The following PCSK5 variants were observed in gnomAD, a reference collection of about 807,000 sequenced individuals.
The protein encoded by PCSK5 is proprotein convertase subtilisin/kexin type 5.
Under a neutral mutation model 233.2 loss-of-function variants are expected in PCSK5, and 129 were observed. That is an observed-to-expected ratio of 0.55 (90% CI 0.48 to 0.64). The LOEUF is 0.64. Ranked by LOEUF, PCSK5 falls within the 30% of genes least tolerant of loss-of-function variation. The pLI is 0.00. For synonymous variants in PCSK5, 825 were observed against 879.2 expected (o/e 0.94, Z 1.09); for missense variants, 2,076 against 2,430.1 (o/e 0.85, Z 3.06).
chr9:75,917,509 A>G lies in PCSK5; in HGVS notation c.193-14870A>G, dbSNP rs1462482200. On this transcript the variant is annotated intron_variant, in intron 1 of 37. Transcript: ENST00000674117. Reference sequence around the variant, plus strand: ...AACCGTGTGTCACCTGGGAGCTAACATCAGATTCAATATTTGCCCCGAGGC... The same window carrying G: ...AACCGTGTGTCACCTGGGAGCTAACGTCAGATTCAATATTTGCCCCGAGGC... Among the ~76,000 whole-genome samples, 6 of 152,390 alleles carry G rather than the reference A, an allele frequency of 3.9e-5. No homozygotes were observed. In the South Asian group the frequency reaches 6.2e-4, roughly 16 times the overall value.
intron 35 of PCSK5, among the ~76,000 whole-genome samples, chr9:76,338,836 G>T (rs1451028278): frequency 6.6e-6 from 1 of 152,128 alleles, no homozygotes; most frequent in East Asian, 1.9e-4. Flanking sequence ...CAGAAATCTA[G>T]TTGTCTGTCC....
At chr9:75,908,943 CTATCTA>C (rs1564075045) in intron 1 of PCSK5, among the ~76,000 whole-genome samples, 84 of 58,134 alleles carry the variant, frequency 1.4e-3, no homozygotes, top group South Asian at 0.013. Flanking sequence ...CTCTCTCTGT[CTATCTA>C]TCTATCTATC....
In PCSK5 at chr9:76,361,619, T is replaced by C. The variant is rs1830433065; in HGVS notation, c.*2697T>C. The C allele has an allele frequency of 1.3e-5, 2 of 152,482 alleles. No homozygotes were observed. Among genetic ancestry groups the C allele is most frequent in the African/African-American group, 4.8e-5 (2 of 41,576 alleles). The allele number at this position is 152,482 out of a possible 1,614,324, so 9.4% of individuals were successfully genotyped here. Reference sequence around the variant, plus strand: ...CAGGAGGCTAAGGTGGAAGGATCACTTGAACCCGGGAGGTCGAGGCTGCAG... The same window carrying C: ...CAGGAGGCTAAGGTGGAAGGATCACCTGAACCCGGGAGGTCGAGGCTGCAG... On this transcript the variant is annotated 3_prime_UTR_variant, in exon 38 of 38. Transcript: ENST00000674117.
chr9:76,203,072 T>A (rs1824979011), intron 20 of PCSK5, among the ~76,000 whole-genome samples: 1 of 152,210 alleles, frequency 6.6e-6, no homozygotes, highest in Non-Finnish European at 1.5e-5. Context: ...AACTTCAGCA[T>A]AGCTCTCTAT....
chr9:75,923,061 G>A lies in PCSK5; in HGVS notation c.193-9318G>A, dbSNP rs1823323398. Among the ~76,000 whole-genome samples, 2 of 152,166 alleles carry A rather than the reference G, an allele frequency of 1.3e-5. 1 individual carries two copies. Among genetic ancestry groups the A allele is most frequent in the South Asian group, 4.1e-4 (2 of 4,826 alleles). On this transcript the variant is annotated intron_variant, in intron 1 of 37. Coordinates refer to ENST00000674117, the MANE Select transcript of PCSK5 (RefSeq NM_001372043.1). ...GGGATACTATGTTAGTGTACCCATA[G>A]AATTGAATGTGGCTCTACAAAACCC...
intron 20 of PCSK5, among the ~76,000 whole-genome samples, chr9:76,212,574 G>A (rs548597098): frequency 9.2e-5 from 14 of 152,274 alleles, no homozygotes; most frequent in African/African-American, 3.4e-4. Context: ...ATTCCAACCA[G>A]CTTTCCTATA....
rs573884138 is a variant in PCSK5 at position 76,019,788 on chromosome 9, T to A, written c.412-3950T>A. On this transcript the variant is annotated intron_variant, in intron 3 of 37. Coordinates refer to ENST00000674117, the MANE Select transcript of PCSK5 (RefSeq NM_001372043.1). ...CATTTCTTGAACTCACAGGACAATG[T>A]CTTTAAAATTTCATTCCTAAAAAAG... is the stretch of plus-strand genomic sequence containing the variant. 8.9e-4 allele frequency among the ~76,000 whole-genome samples: 136 copies of A among 152,302 alleles called. 1 individual carries two copies. The highest frequency in any genetic ancestry group is 1.3e-3 in the Admixed American group (20 of 15,304).
chr9:76,169,820 T>C lies in PCSK5; in HGVS notation c.1736T>C (p.Leu579Pro), dbSNP rs1823253407. 2 of 1,613,560 alleles carry C rather than the reference T, an allele frequency of 1.2e-6. No homozygotes were observed. Among genetic ancestry groups the C allele is most frequent in the East Asian group, 4.5e-5 (2 of 44,862 alleles). Residue 579 changes from leucine (L) to proline (P), a missense_variant, in exon 13 of 38, where the codon CTA (leucine) becomes CCA (proline). This residue lies in a region of PCSK5 where 50 missense variants were observed against 104.7 expected (regional missense o/e 0.48). Coordinates refer to ENST00000674117, the MANE Select transcript of PCSK5 (RefSeq NM_001372043.1). ...GAAGTTTATGATACTCCCTCTCAGC[T>C]AAGGAACTTTAAGACTCCAGGTGAG... ...VLEVYDTPSQ[L>P]RNFKTPGKLK...
chr9:76,026,929 C>T, intron 4 of PCSK5, 32 bp from the exon 5 acceptor site: 1 of 1,492,494 alleles, frequency 6.7e-7, no homozygotes, highest in South Asian at 1.2e-5. Context: ...ATGTCCATTT[C>T]CTTTCCCTTG....
chr9:76,112,575 A>G (rs1832268167), intron 9 of PCSK5, among the ~76,000 whole-genome samples: 2 of 152,216 alleles, frequency 1.3e-5, no homozygotes, highest in South Asian at 4.1e-4. Context: ...CTCCTATTGC[A>G]AATTAAATTT....
chr9:75,958,215 A>T lies in PCSK5; in HGVS notation c.297+25732A>T, dbSNP rs1485789102. Among the ~76,000 whole-genome samples, 4 of 152,158 alleles carry T rather than the reference A, an allele frequency of 2.6e-5. No homozygotes were observed. In the East Asian group the frequency reaches 7.7e-4, roughly 29 times the overall value. Reference sequence around the variant, plus strand: ...AGATTTAAGGTCTAAGTTGGGGCAAACCTACTTAGCTTTAAATGATACCTG... The same window carrying T: ...AGATTTAAGGTCTAAGTTGGGGCAATCCTACTTAGCTTTAAATGATACCTG... On this transcript the variant is annotated intron_variant, in intron 2 of 37. Transcript: ENST00000674117.
intron 5 of PCSK5, among the ~76,000 whole-genome samples, chr9:76,061,028 T>C (rs898479459): frequency 1.3e-5 from 2 of 152,166 alleles, no homozygotes; most frequent in Admixed American, 1.3e-4. Context: ...AGTCACTAAA[T>C]ATCTTTTTTT....
intron 5 of PCSK5, among the ~76,000 whole-genome samples, chr9:76,065,577 C>T (rs113611767): frequency 0.034 from 5,145 of 152,000 alleles, 252 homozygotes; most frequent in African/African-American, 0.11. Flanking sequence ...CAGAGTTTGC[C>T]GGTATTTTCT....
intron 20 of PCSK5, 63 bp from the exon 21 acceptor site, chr9:76,227,440 A>T: frequency 8.6e-7 from 1 of 1,162,672 alleles, no homozygotes. Flanking sequence ...CTGCTCTCAG[A>T]CTGACAGCCC....
At chr9:76,035,073 T>C (rs1828804688) in intron 5 of PCSK5, among the ~76,000 whole-genome samples, 1 of 152,170 alleles carries the variant, frequency 6.6e-6, no homozygotes, top group African/African-American at 2.4e-5. Context: ...GGGAAGTCAG[T>C]TGACTAAATT....
At chr9:76,157,323 G>A (rs971544986) in intron 11 of PCSK5, among the ~76,000 whole-genome samples, 161 bp downstream of exon 11, 22 of 152,148 alleles carry the variant, frequency 1.4e-4, no homozygotes, top group African/African-American at 3.4e-4. Flanking sequence ...GATTCTGAGC[G>A]GTTAAATTCG....
intron 2 of PCSK5, among the ~76,000 whole-genome samples, chr9:75,970,330 C>T (rs1231341753): frequency 6.6e-6 from 1 of 152,174 alleles, no homozygotes; most frequent in East Asian, 1.9e-4. Context: ...GGGCAATTTT[C>T]AGGCCTTGAA....
At chr9:76,352,943 T>C (rs1830204858) in intron 36 of PCSK5, among the ~76,000 whole-genome samples, 1 of 151,374 alleles carries the variant, frequency 6.6e-6, no homozygotes, top group Non-Finnish European at 1.5e-5. Flanking sequence ...CAGCTACTTG[T>C]GGGGCTGAAG....
chr9:75,965,234 A>G (rs1825523515), intron 2 of PCSK5, among the ~76,000 whole-genome samples: 1 of 151,136 alleles, frequency 6.6e-6, no homozygotes, highest in South Asian at 2.1e-4. Context: ...TCTCCTGTTT[A>G]CATCCTATAT....
Sources: allele counts gnomAD v4.1 joint callset (sites outside exome capture counted in the v4.1 genomes callset), GRCh38; gene constraint gnomAD v4.1.1; regional missense constraint gnomAD v4.1.1; transcripts MANE v1.5; gene names NCBI Gene and HGNC (gene_info 2026-07-23, HGNC 2026-07-21).